Variants in CCNT2 observed in about 807,000 individuals in gnomAD.
The protein encoded by CCNT2 is cyclin-T2.
A neutral mutation model predicts 70.0 loss-of-function variants in CCNT2; 18 were observed. The ratio of observed to expected loss-of-function variants is 0.26; its 90% CI spans 0.18 to 0.38. The LOEUF (loss-of-function observed/expected upper bound fraction) is 0.38. Among genes scored for constraint, CCNT2 ranks in the 10% least tolerant of loss-of-function variants. CCNT2 has a pLI of 1.00. For missense variants in CCNT2, 734 were observed against 890.2 expected (o/e 0.82, Z 2.23); for synonymous variants, 334 against 313.3 (o/e 1.07, Z -0.70).
intron 3 of CCNT2, among the ~76,000 whole-genome samples, chr2:134,937,642 A>G (rs1443412547): frequency 6.6e-6 from 1 of 152,190 alleles, no homozygotes; most frequent in Non-Finnish European, 1.5e-5. Flanking sequence ...TCGGCCAGGC[A>G]CAGTGGCTCA....
intron 2 of CCNT2, among the ~76,000 whole-genome samples, chr2:134,922,520 G>T (rs997593378): frequency 6.6e-6 from 1 of 152,148 alleles, no homozygotes; most frequent in African/African-American, 2.4e-5. Flanking sequence ...TTGAATAGCT[G>T]TCAGCAGTAA....
intron 7 of CCNT2, among the ~76,000 whole-genome samples, chr2:134,951,528 A>G (rs1214022667): frequency 1.3e-5 from 2 of 152,016 alleles, no homozygotes; most frequent in Non-Finnish European, 2.9e-5. Flanking sequence ...TAGGAAGTAT[A>G]TTTGGAGGAA....
At chr2:134,919,419 G>A (rs45618535) in intron 1 of CCNT2, among the ~76,000 whole-genome samples, 1,687 of 152,302 alleles carry the variant, frequency 0.011, 28 homozygotes, top group African/African-American at 0.039. Flanking sequence ...GCCTTTCCCG[G>A]CTCTCGTCGC....
chr2:134,937,278 G>C (rs4953938), intron 3 of CCNT2, among the ~76,000 whole-genome samples: 1 of 152,108 alleles, frequency 6.6e-6, no homozygotes, highest in South Asian at 2.1e-4. Context: ...TATCACCTCC[G>C]CTGGAAGCTG....
In CCNT2 at chr2:134,957,828, A is replaced by G. The variant is rs1477119198; in HGVS notation, c.*3180A>G. ...GAGTCATCTAAAAGAAATTTCTAAC[A>G]TGATGTATGGTTTCTTGAATGTCAT... On this transcript the variant is annotated 3_prime_UTR_variant, in exon 9 of 9. Coordinates refer to ENST00000264157, the MANE Select transcript of CCNT2 (RefSeq NM_058241.3). 1.3e-5 allele frequency: 2 copies of G among 151,874 alleles called. No individual in the cohort carries two copies. Among genetic ancestry groups the G allele is most frequent in the East Asian group, 1.9e-4 (1 of 5,188 alleles). The allele number at this position is 151,874 out of a possible 1,614,324, so 9.4% of individuals were successfully genotyped here.
chr2:134,919,381 A>G (rs1357417127), intron 1 of CCNT2, among the ~76,000 whole-genome samples: 1 of 152,188 alleles, frequency 6.6e-6, no homozygotes, highest in East Asian at 1.9e-4. Context: ...AGGGTTAGCG[A>G]TGCTGAAAGG....
At chr2:134,951,434 A>G (rs1412975059) in intron 7 of CCNT2, among the ~76,000 whole-genome samples, 1 of 152,230 alleles carries the variant, frequency 6.6e-6, no homozygotes, top group Non-Finnish European at 1.5e-5. Context: ...AAAGTGGGTC[A>G]TTTGATTGTA....
At chr2:134,923,356 T>G (rs764727021) in intron 2 of CCNT2, among the ~76,000 whole-genome samples, 8 of 152,198 alleles carry the variant, frequency 5.3e-5, no homozygotes, top group Non-Finnish European at 8.8e-5. Flanking sequence ...ATTGTTATAC[T>G]CTGGTCATGT....
At chr2:134,920,658 T>C (rs1224294280) in intron 2 of CCNT2, among the ~76,000 whole-genome samples, 3 of 152,232 alleles carry the variant, frequency 2.0e-5, no homozygotes, top group Non-Finnish European at 4.4e-5. Flanking sequence ...TTGCATATTG[T>C]TTAGAAATGT....
At chr2:134,939,134 T>G (rs1681376771) in intron 4 of CCNT2, 72 bp downstream of exon 4, 1 of 1,045,956 alleles carries the variant, frequency 9.6e-7, no homozygotes, top group African/African-American at 1.6e-5. Flanking sequence ...TGAAAAGATT[T>G]CTGAAATAAT....
intron 2 of CCNT2, among the ~76,000 whole-genome samples, chr2:134,927,701 T>C (rs1179761146): frequency 6.6e-6 from 1 of 152,194 alleles, no homozygotes; most frequent in African/African-American, 2.4e-5. Context: ...TTGGTTAAGG[T>C]AATTTTTTAA....
Position 134,918,839 on chromosome 2 carries a change from C to G in CCNT2, c.-16C>G, listed in dbSNP as rs45611231. 158 of 1,606,238 alleles carry G rather than the reference C, an allele frequency of 9.8e-5. 1 individual carries two copies. The East Asian group carries it at 1.4e-3, about 14-fold the overall frequency. On this transcript the variant is annotated 5_prime_UTR_variant, in exon 1 of 9. Coordinates refer to ENST00000264157, the MANE Select transcript of CCNT2 (RefSeq NM_058241.3). The stretch of plus-strand genomic sequence containing the variant: ...GGCGGGGGGTGAATGAAGGAGCGGG[C>G]GGAGGAGGAAGTGTCATGGCGTCGG...
intron 7 of CCNT2, among the ~76,000 whole-genome samples, chr2:134,951,163 A>C (rs1369971170): frequency 6.6e-6 from 1 of 152,110 alleles, no homozygotes; most frequent in Non-Finnish European, 1.5e-5. Flanking sequence ...TGTCAAGGAA[A>C]TTACATCTTG....
chr2:134,946,839 T>C (rs558036913), intron 6 of CCNT2, among the ~76,000 whole-genome samples: 2 of 152,336 alleles, frequency 1.3e-5, no homozygotes, highest in East Asian at 3.8e-4. Flanking sequence ...TGTTCTAGAT[T>C]TATTAATGAT....
Position 134,919,894 on chromosome 2 carries a change from A to G in CCNT2, c.240+3A>G. On this transcript the variant is annotated splice_donor_region_variant and intron_variant, in intron 2 of 8. Transcript: ENST00000264157. ...CTTTCACCAAATTCAACAAAAATGTAAGTACTAGTTGTCTGTTTTTACTGT... is the reference window on the plus strand; with the variant it reads ...CTTTCACCAAATTCAACAAAAATGTGAGTACTAGTTGTCTGTTTTTACTGT... The G allele has an allele frequency of 1.9e-6, 3 of 1,584,808 alleles. No individual in the cohort carries two copies. Among genetic ancestry groups the G allele is most frequent in the Non-Finnish European group, 2.6e-6 (3 of 1,167,606 alleles).
rs1431697082 is a variant in CCNT2 at position 134,956,716 on chromosome 2, G to A, written c.*2068G>A. 6.6e-6 allele frequency: 1 copy of A among 152,400 alleles called. No individual in the cohort carries two copies. Among genetic ancestry groups the A allele is most frequent in the African/African-American group, 2.4e-5 (1 of 41,434 alleles). The allele number at this position is 152,400 out of a possible 1,614,324, so 9.4% of individuals were successfully genotyped here. On this transcript the variant is annotated 3_prime_UTR_variant, in exon 9 of 9. Transcript: ENST00000264157. ...TTTGTAAAGAATATCCAGAAAAGTA[G>A]TGAACTTATTTTCAGTAGACATAGA...
chr2:134,952,828 G>A (rs1023791949), intron 8 of CCNT2, 117 bp downstream of exon 8: 10 of 724,014 alleles, frequency 1.4e-5, no homozygotes, highest in Admixed American at 5.3e-5. Flanking sequence ...ATAATTCAAC[G>A]TATCTCAAGT....
At chr2:134,933,608 T>C (rs949658486) in intron 2 of CCNT2, among the ~76,000 whole-genome samples, 1 of 152,142 alleles carries the variant, frequency 6.6e-6, no homozygotes, top group Non-Finnish European at 1.5e-5. Flanking sequence ...TAATGTCAAA[T>C]ATCATAAATT....
At chr2:134,944,494 A>C in intron 5 of CCNT2, 1 of 965,402 alleles carries the variant, frequency 1.0e-6, no homozygotes, top group East Asian at 1.2e-4. Flanking sequence ...CCTACAACTA[A>C]AAATTCTAGA....
Sources: allele counts gnomAD v4.1 joint callset (sites outside exome capture counted in the v4.1 genomes callset), GRCh38; gene constraint gnomAD v4.1.1; transcripts MANE v1.5; gene names NCBI Gene and HGNC (gene_info 2026-07-23, HGNC 2026-07-21).